The following PALLD variants were observed in gnomAD, a reference collection of about 807,000 sequenced individuals.
The protein encoded by PALLD is palladin.
Under a neutral mutation model 123.5 loss-of-function variants are expected in PALLD, and 61 were observed. That is an observed-to-expected ratio of 0.49 (90% CI 0.40 to 0.61). PALLD has a LOEUF of 0.61. Ranked by LOEUF, PALLD falls within the 20% of genes least tolerant of loss-of-function variation. The pLI, the probability that PALLD is intolerant of heterozygous loss-of-function variation, is 0.00. For synonymous variants in PALLD, 465 were observed against 496.4 expected, an observed-to-expected ratio of 0.94 and a Z score of 0.84; for missense variants, 1,273 against 1,377.0, an observed-to-expected ratio of 0.92 and a Z score of 1.20.
intron 10 of PALLD, chr4:168,878,174 G>T (rs551131343): frequency 6.7e-7 from 1 of 1,495,536 alleles, no homozygotes. Context: ...GCCACCCCCG[G>T]TCTTCAGCCC....
At chr4:168,839,841 C>T (rs544446032) in intron 10 of PALLD, among the ~76,000 whole-genome samples, 1 of 152,202 alleles carries the variant, frequency 6.6e-6, no homozygotes, top group South Asian at 2.1e-4. Flanking sequence ...GATGAGTTTG[C>T]CCCCAAAGAG....
At chr4:168,812,576 C>T (rs1375741599) in intron 10 of PALLD, among the ~76,000 whole-genome samples, 3 of 152,146 alleles carry the variant, frequency 2.0e-5, no homozygotes, top group Non-Finnish European at 2.9e-5. Flanking sequence ...TCCAGCACAT[C>T]GCTGTGATGA....
Position 168,656,789 on chromosome 4 carries a change from G to A in PALLD, c.909-11401G>A, listed in dbSNP as rs142590603. ...AAAACAGAAAATTCTTGGAATTAAC[G>A]GTCAAGGATACGTGAGAGATTAGAA... On this transcript the variant is annotated intron_variant, in intron 2 of 21. Transcript: ENST00000505667. Among the ~76,000 whole-genome samples, 44 of 152,246 alleles carry A rather than the reference G, an allele frequency of 2.9e-4. No homozygotes were observed. The East Asian group carries it at 3.1e-3, about 11-fold the overall frequency.
chr4:168,667,858 A>T (rs997649231), intron 2 of PALLD, among the ~76,000 whole-genome samples: 1 of 152,202 alleles, frequency 6.6e-6, no homozygotes, highest in African/African-American at 2.4e-5. Flanking sequence ...TAAAATTGTA[A>T]TAAATGGAGG....
intron 10 of PALLD, among the ~76,000 whole-genome samples, chr4:168,811,012 C>T (rs1741033627): frequency 6.6e-6 from 1 of 152,060 alleles, no homozygotes; most frequent in South Asian, 2.1e-4. Flanking sequence ...TGAGTGCTCA[C>T]AGGTAAGCTG....
intron 17 of PALLD, 75 bp downstream of exon 17, chr4:168,916,102 TG>T: frequency 1.4e-6 from 2 of 1,396,606 alleles, no homozygotes; most frequent in Non-Finnish European, 2.0e-6. Flanking sequence ...TAGTTCCTTT[TG>T]GGGAAATTAC....
intron 2 of PALLD, among the ~76,000 whole-genome samples, chr4:168,653,886 G>A (rs1162973216): frequency 6.6e-6 from 1 of 151,936 alleles, no homozygotes; most frequent in Non-Finnish European, 1.5e-5. Flanking sequence ...ATTTTTAGTA[G>A]AGACAGGGTT....
intron 3 of PALLD, among the ~76,000 whole-genome samples, chr4:168,671,319 G>A (rs1336421909): frequency 6.6e-6 from 1 of 152,214 alleles, no homozygotes; most frequent in South Asian, 2.1e-4. Flanking sequence ...ATCTGCCTCA[G>A]GTACTGAATA....
chr4:168,647,674 C>T (rs534659165), intron 2 of PALLD, among the ~76,000 whole-genome samples: 8 of 150,968 alleles, frequency 5.3e-5, no homozygotes, highest in African/African-American at 7.3e-5. Context: ...TCAGCTACTC[C>T]GGAGGCTGAG....
intron 2 of PALLD, among the ~76,000 whole-genome samples, chr4:168,653,284 C>T (rs1267327951): frequency 6.6e-6 from 1 of 152,154 alleles, no homozygotes; most frequent in East Asian, 1.9e-4. Context: ...AACAGCGGAT[C>T]AGTGGAACAC....
intron 2 of PALLD, among the ~76,000 whole-genome samples, chr4:168,558,402 C>T (rs145438121): frequency 1.1e-4 from 16 of 152,280 alleles, no homozygotes; most frequent in African/African-American, 3.9e-4. Context: ...ATCCCACATG[C>T]AAGGAAGGCA....
chr4:168,645,417 C>T (rs1240458852), intron 2 of PALLD, among the ~76,000 whole-genome samples: 1 of 152,200 alleles, frequency 6.6e-6, no homozygotes. Context: ...TGTTTGCGAA[C>T]AGCGTCGTGC....
At chr4:168,905,196 G>T (rs921522723) in intron 15 of PALLD, among the ~76,000 whole-genome samples, 93 of 131,264 alleles carry the variant, frequency 7.1e-4, no homozygotes, top group African/African-American at 2.3e-3. Flanking sequence ...TGTCGCCCAG[G>T]CTGGAATGCA....
At chr4:168,634,738 A>G (rs557057139) in intron 2 of PALLD, among the ~76,000 whole-genome samples, 1 of 152,318 alleles carries the variant, frequency 6.6e-6, no homozygotes, top group South Asian at 2.1e-4. Context: ...AAGGAAGGTT[A>G]TGGGCATATG....
At position 168,844,484 on chromosome 4, in the gene PALLD, G is replaced by A. The variant is rs1397900690; in HGVS notation, c.1965-46438G>A. 1.3e-5 allele frequency: 2 copies of A among 152,254 alleles called. No individual in the cohort carries two copies. Among genetic ancestry groups the A allele is most frequent in the Non-Finnish European group, 2.9e-5 (2 of 68,060 alleles). The allele number at this position is 152,254 out of a possible 1,614,324, so 9.4% of individuals were successfully genotyped here. A position where few individuals can be genotyped will look rare whatever the true frequency, so the allele number is the denominator to read the frequency against. ...GAATTTCAAGAATTTGTGGATTTCA[G>A]AATGGTTGAGCAGCTCATAGCTTTT... On this transcript the variant is annotated intron_variant, in intron 10 of 21. Coordinates refer to ENST00000505667, the MANE Select transcript of PALLD (RefSeq NM_001166108.2). The surrounding 1 kb of genome is among the most constrained non-coding windows in gnomAD (Gnocchi z 4.5).
chr4:168,497,310 C>T (rs1478800742), intron 1 of PALLD, 116 bp downstream of exon 1: 2 of 151,226 alleles, frequency 1.3e-5, no homozygotes, highest in Non-Finnish European at 2.9e-5. Flanking sequence ...TTACAAGATA[C>T]CTTAATTATT....
intron 15 of PALLD, among the ~76,000 whole-genome samples, chr4:168,904,921 G>A (rs1032625188): frequency 5.9e-5 from 9 of 151,964 alleles, no homozygotes; most frequent in Non-Finnish European, 1.0e-4. Flanking sequence ...CAGCCCCGGA[G>A]TTTGAGACCA....
Position 168,545,882 on chromosome 4 carries a change from C to A in PALLD, c.908+33470C>A, listed in dbSNP as rs1472896042. Reference sequence around the variant, plus strand: ...ATTATGATGGGAAAGGTGGAATGATCCCTTATGCAGCAATTTTAAGTGAGT... The same window carrying A: ...ATTATGATGGGAAAGGTGGAATGATACCTTATGCAGCAATTTTAAGTGAGT... On this transcript the variant is annotated intron_variant, in intron 2 of 21. Coordinates refer to ENST00000505667, the MANE Select transcript of PALLD (RefSeq NM_001166108.2). Among the ~76,000 whole-genome samples, 6 of 152,262 alleles carry A rather than the reference C, an allele frequency of 3.9e-5. No individual in the cohort carries two copies. In the East Asian group the frequency reaches 1.2e-3, roughly 29 times the overall value.
intron 2 of PALLD, among the ~76,000 whole-genome samples, chr4:168,651,807 A>G (rs1462583484): frequency 6.6e-6 from 1 of 152,204 alleles, no homozygotes; most frequent in East Asian, 1.9e-4. Flanking sequence ...AACCATGAAT[A>G]TCTGCATGTT....
Sources: gnomAD v4.1 joint callset for allele counts (sites outside exome capture counted in the v4.1 genomes callset) on GRCh38, gnomAD v4.1.1 for gene constraint, Gnocchi (gnomAD v3.1) non-coding constraint, MANE v1.5 for transcripts, NCBI Gene and HGNC (gene_info 2026-07-23, HGNC 2026-07-21) for gene names.